PCDHA9: variants seen among roughly 807,000 people sequenced by gnomAD.
The protein encoded by PCDHA9 is protocadherin alpha 9, also known as protocadherin alpha-9.
In PCDHA9, 62 loss-of-function variants were observed where a neutral mutation model predicts 62.0. That is an observed-to-expected ratio of 1.00 (90% confidence interval 0.81 to 1.23). The LOEUF is 1.23. Ranked by LOEUF, PCDHA9 falls within the 50% of genes most tolerant of loss-of-function variation. The probability of loss-of-function intolerance (pLI) is 0.00; values close to 1 mark genes in which losing one functional copy is unlikely to be tolerated. For missense variants in PCDHA9, 1,205 were observed against 1,249.8 expected, an observed-to-expected ratio of 0.96 and a Z score of 0.54; for synonymous variants, 557 against 567.6, an observed-to-expected ratio of 0.98 and a Z score of 0.27.
rs139390480 is a variant in PCDHA9, at chr5:140,856,945, A to T, written c.2394+6056A>T. ...AATTTTGGATAAACGAAAGGACGGGAGAAATAAAAGTAAATGATGCTATTG... is the reference window on the plus strand; with the variant it reads ...AATTTTGGATAAACGAAAGGACGGGTGAAATAAAAGTAAATGATGCTATTG... On this transcript the variant is annotated intron_variant, in intron 1 of 3. Transcript: ENST00000532602. The T allele has an allele frequency of 3.8e-6, 6 of 1,593,208 alleles. No individual in the cohort carries two copies. The highest frequency in any genetic ancestry group is 5.2e-6 in the Non-Finnish European group (6 of 1,163,192).
intron 1 of PCDHA9, chr5:140,966,556 A>C (rs2096021446): frequency 8.5e-6 from 4 of 469,720 alleles, no homozygotes; most frequent in Admixed American, 8.7e-5. Context: ...CGAGCGGAGG[A>C]GCTGGAATAT....
intron 1 of PCDHA9, among the ~76,000 whole-genome samples, chr5:140,855,055 T>C (rs562005171): frequency 2.0e-5 from 3 of 150,120 alleles, no homozygotes; most frequent in African/African-American, 7.3e-5. Flanking sequence ...AGTACTTTTC[T>C]GTTTTCTTAA....
rs903321831 is a variant in PCDHA9, at chr5:140,926,671, C to A, written c.2395-52278C>A. ...CGGCTCCGCTTTCCCAGACGGCTGC[C>A]CAGCCTCCAGCCTAGCAAGCCCGGC... On this transcript the variant is annotated intron_variant, in intron 1 of 3. Coordinates refer to ENST00000532602, the MANE Select transcript of PCDHA9 (RefSeq NM_031857.2). The A allele has an allele frequency of 3.5e-5, 20 of 579,422 alleles. No homozygotes were observed. The South Asian group carries it at 7.5e-4, about 22-fold the overall frequency. 35.9% of individuals were successfully genotyped at this position (579,422 alleles called of 1,614,324 possible).
At chr5:140,990,022 G>C (rs891983888) in intron 3 of PCDHA9, among the ~76,000 whole-genome samples, 1 of 152,156 alleles carries the variant, frequency 6.6e-6, no homozygotes, top group Non-Finnish European at 1.5e-5. Flanking sequence ...GCTAGGCAAA[G>C]GATGGGAGAA....
intron 1 of PCDHA9, chr5:140,871,176 G>T: frequency 6.2e-7 from 1 of 1,613,534 alleles, no homozygotes; most frequent in African/African-American, 1.3e-5. Context: ...CAGAGGCTGC[G>T]CTGGTGGATG....
intron 1 of PCDHA9, among the ~76,000 whole-genome samples, chr5:140,971,045 T>G (rs2096453995): frequency 6.6e-6 from 1 of 152,090 alleles, no homozygotes; most frequent in Non-Finnish European, 1.5e-5. Context: ...CGTAAAAGGG[T>G]TTAGCTTTAA....
intron 3 of PCDHA9, among the ~76,000 whole-genome samples, chr5:140,991,953 G>A (rs545142966): frequency 3.9e-5 from 6 of 152,110 alleles, no homozygotes; most frequent in Non-Finnish European, 8.8e-5. Context: ...TTAGAATGCA[G>A]TCATTTTGGT....
intron 1 of PCDHA9, among the ~76,000 whole-genome samples, chr5:140,855,328 G>C (rs1554147750): frequency 6.7e-6 from 1 of 149,766 alleles, no homozygotes; most frequent in East Asian, 1.9e-4. Context: ...GGAGGGAGAG[G>C]TTAAACGATT....
At chr5:141,001,144 C>T (rs1225047253) in intron 3 of PCDHA9, among the ~76,000 whole-genome samples, 3 of 151,960 alleles carry the variant, frequency 2.0e-5, no homozygotes, top group Non-Finnish European at 4.4e-5. Context: ...TCTTCTGTTG[C>T]TCTGATCTTA....
chr5:140,854,555 A>G (rs2043158080), intron 1 of PCDHA9: 1 of 150,006 alleles, frequency 6.7e-6, no homozygotes, highest in Non-Finnish European at 1.5e-5. Context: ...ATTCATAAAT[A>G]TTGTTGCTCT....
At chr5:140,955,684 G>A (rs1231376434) in intron 1 of PCDHA9, among the ~76,000 whole-genome samples, 2 of 152,156 alleles carry the variant, frequency 1.3e-5, no homozygotes, top group African/African-American at 4.8e-5. Flanking sequence ...TTCGAAATCT[G>A]TGATGAATGT....
chr5:140,853,968 T>C lies in PCDHA9; in HGVS notation c.2394+3079T>C. On this transcript the variant is annotated intron_variant, in intron 1 of 3. Transcript: ENST00000532602. ...AGGGTCCCTTCCTTGAGCCCAGCAG[T>C]TTGAGACCAATGTAGTGAGACTCAT... 9 of 656,022 alleles carry C rather than the reference T, an allele frequency of 1.4e-5. 1 individual carries two copies. The highest frequency in any genetic ancestry group is 1.7e-5 in the Non-Finnish European group (9 of 516,032). 40.6% of individuals were successfully genotyped at this position (656,022 alleles called of 1,614,324 possible).
At position 140,850,723 on chromosome 5, in the gene PCDHA9, G is replaced by T. The variant is rs2150495847; in HGVS notation, c.2228G>T (p.Ser743Ile). 3.1e-5 allele frequency: 49 copies of T among 1,597,922 alleles called. 7 individuals carry two copies. The highest frequency in any genetic ancestry group is 4.2e-5 in the Non-Finnish European group (49 of 1,167,668). The stretch of plus-strand genomic sequence containing the variant: ...GGCAAGCCGACGCTGGTGTGTTCTA[G>T]CGCGGTGGGGAGTTGGTCGTACTCG... The part of the protein sequence containing the change: ...APGKPTLVCS[S>I]AVGSWSYSQQ... Residue 743 changes from serine to isoleucine, a missense_variant, in exon 1 of 4, where the codon AGC becomes ATC. Transcript: ENST00000532602.
chr5:140,944,191 G>C (rs181232402), intron 1 of PCDHA9, among the ~76,000 whole-genome samples: 1 of 151,980 alleles, frequency 6.6e-6, no homozygotes, highest in East Asian at 1.9e-4. Context: ...GGTTTGTTTT[G>C]TTTTGTTTTG....
chr5:140,863,250 C>T, intron 1 of PCDHA9: 1 of 1,410,418 alleles, frequency 7.1e-7, no homozygotes, highest in Non-Finnish European at 9.7e-7. Context: ...TGGCGGGCGT[C>T]GAGGTCCGGG....
Position 140,858,389 on chromosome 5 carries a change from G to A in PCDHA9, c.2394+7500G>A. The A allele has an allele frequency of 1.3e-6, 2 of 1,580,024 alleles. 1 individual carries two copies. Among genetic ancestry groups the A allele is most frequent in the Non-Finnish European group, 1.7e-6 (2 of 1,156,144 alleles). On this transcript the variant is annotated intron_variant, in intron 1 of 3. Transcript: ENST00000532602. ...CAGCCTTCCACCATGCCCAATGGTA[G>A]ATGTGGACGGGGAAGATCAGTCTAT...
At chr5:140,983,621 A>G (rs1271083054) in intron 3 of PCDHA9, among the ~76,000 whole-genome samples, 5 of 152,250 alleles carry the variant, frequency 3.3e-5, no homozygotes, top group African/African-American at 1.2e-4. Flanking sequence ...CAGAGAGATT[A>G]AGAAATGTAC....
At chr5:140,908,668 A>C (rs2074091776) in intron 1 of PCDHA9, among the ~76,000 whole-genome samples, 1 of 152,194 alleles carries the variant, frequency 6.6e-6, no homozygotes, top group Non-Finnish European at 1.5e-5. Flanking sequence ...AAAGGCTCCA[A>C]ATAGCATCCC....
intron 1 of PCDHA9, among the ~76,000 whole-genome samples, chr5:140,941,764 A>T (rs116374830): frequency 2.0e-5 from 3 of 152,190 alleles, no homozygotes. Flanking sequence ...TGCTTTTAAG[A>T]TAATTGTTTT....
Sources: allele counts gnomAD v4.1 joint callset (sites outside exome capture counted in the v4.1 genomes callset), GRCh38; gene constraint gnomAD v4.1.1; transcripts MANE v1.5; gene names NCBI Gene and HGNC (gene_info 2026-07-23, HGNC 2026-07-21).